ZNHIT3: variants seen among roughly 807,000 people sequenced by gnomAD.
ZNHIT3 encodes the protein zinc finger HIT-type containing 3.
A neutral mutation model predicts 19.9 loss-of-function variants in ZNHIT3; 27 were observed. That is an observed-to-expected ratio of 1.36 (90% confidence interval 1.00 to 1.87). The LOEUF (loss-of-function observed/expected upper bound fraction) is 1.87, where lower values mean the gene tolerates loss of function less well. Among genes scored for constraint, ZNHIT3 ranks in the 40% most tolerant of loss-of-function variants. The pLI, the probability that ZNHIT3 is intolerant of heterozygous loss-of-function variation, is 0.00. For missense variants in ZNHIT3, 215 were observed against 185.6 expected, an observed-to-expected ratio of 1.16 and a Z score of -0.92; for synonymous variants, 81 against 65.7, an observed-to-expected ratio of 1.23 and a Z score of -1.13.
intron 2 of ZNHIT3, among the ~76,000 whole-genome samples, chr17:36,487,578 G>T (rs965775643): frequency 1.6e-4 from 25 of 152,148 alleles, no homozygotes; most frequent in Non-Finnish European, 2.5e-4. Context: ...TGGATCACCT[G>T]AGCCCAGGAG....
At position 36,491,870 on chromosome 17, in the gene ZNHIT3, C is replaced by T. The variant is rs886309763; in HGVS notation, c.119-943C>T. 3.9e-5 allele frequency: 6 copies of T among 152,276 alleles called. No homozygotes were observed. In the Middle Eastern group the frequency reaches 0.01, roughly 257 times the overall value. The allele number at this position is 152,276 out of a possible 1,614,324, so 9.4% of individuals were successfully genotyped here. A position where few individuals can be genotyped will look rare whatever the true frequency, so the allele number is the denominator to read the frequency against. ...AAGTTAGACCCGGATTCCAAATCTG[C>T]CTCTGCTACTTACTAGCTGTGGACC... On this transcript the variant is annotated intron_variant, in intron 2 of 4. Transcript: ENST00000617429.
chr17:36,486,929 T>G lies in ZNHIT3; in HGVS notation c.87-6T>G, dbSNP rs1183679319. On this transcript the variant is annotated splice_polypyrimidine_tract_variant and splice_region_variant and intron_variant, in intron 1 of 4. Coordinates refer to ENST00000617429, the MANE Select transcript of ZNHIT3 (RefSeq NM_004773.4). ...CTGACGCGGCCTGTGGCCTCTGTTG[T>G]TACAGCTGCTCGGTAGTCTGCTTCC... 1 of 1,610,642 alleles carries G rather than the reference T, an allele frequency of 6.2e-7. No homozygotes were observed. The highest frequency in any genetic ancestry group is 8.5e-7 in the Non-Finnish European group (1 of 1,179,294).
downstream of ZNHIT3, chr17:36,499,015 G>A: frequency 7.4e-7 from 1 of 1,359,756 alleles, no homozygotes; most frequent in Non-Finnish European, 1.0e-6. Context: ...TTCCCACTCG[G>A]GTCCATCTGG....
intron 4 of ZNHIT3, 97 bp downstream of exon 4, chr17:36,494,103 G>T: frequency 1.2e-6 from 1 of 864,014 alleles, no homozygotes; most frequent in Non-Finnish European, 1.9e-6. Flanking sequence ...GAATAAGTAT[G>T]GCATGTAGGG....
rs758467742 is a variant in ZNHIT3 at position 36,495,297 on chromosome 17, G to A, written c.361G>A (p.Glu121Lys). The A allele has an allele frequency of 2.5e-6, 4 of 1,613,864 alleles. No homozygotes were observed. The South Asian group carries it at 4.4e-5, about 18-fold the overall frequency. ...RQLMVNLDQG[E>K]DKAKLMRAYM... is the part of the protein sequence containing the mutation. ...GTTGATGGTCAACCTCGATCAGGGA[G>A]AAGACAAAGCAAAGCTCATGAGAGC... The change falls in exon 5 of 5, where the codon GAA becomes AAA. Residue 121 changes from glutamate to lysine, a missense_variant. Transcript: ENST00000617429.
Position 36,486,921 on chromosome 17 carries a change from C to G in ZNHIT3, c.87-14C>G. The G allele has an allele frequency of 6.2e-7, 1 of 1,608,772 alleles. No homozygotes were observed. Among genetic ancestry groups the G allele is most frequent in the Non-Finnish European group, 8.5e-7 (1 of 1,178,684 alleles). ...CCTCGGGGCTGACGCGGCCTGTGGCCTCTGTTGTTACAGCTGCTCGGTAGT... is the reference window on the plus strand; with the variant it reads ...CCTCGGGGCTGACGCGGCCTGTGGCGTCTGTTGTTACAGCTGCTCGGTAGT... On this transcript the variant is annotated splice_polypyrimidine_tract_variant and intron_variant, in intron 1 of 4. Transcript: ENST00000617429.
chr17:36,486,932 C>T lies in ZNHIT3; in HGVS notation c.87-3C>T, dbSNP rs372878191. 4 of 1,610,890 alleles carry T rather than the reference C, an allele frequency of 2.5e-6. No homozygotes were observed. Among genetic ancestry groups the T allele is most frequent in the African/African-American group, 2.7e-5 (2 of 74,670 alleles). On this transcript the variant is annotated splice_polypyrimidine_tract_variant and splice_region_variant and intron_variant, in intron 1 of 4. Coordinates refer to ENST00000617429, the MANE Select transcript of ZNHIT3 (RefSeq NM_004773.4). ...ACGCGGCCTGTGGCCTCTGTTGTTA[C>T]AGCTGCTCGGTAGTCTGCTTCCGGA...
downstream of ZNHIT3, chr17:36,496,278 G>A (rs963765216): frequency 2.5e-6 from 4 of 1,614,028 alleles, no homozygotes; most frequent in Non-Finnish European, 3.4e-6. Context: ...AGGCAGAAGA[G>A]GTCACGTGGA....
At position 36,486,779 on chromosome 17, in the gene ZNHIT3, T is replaced by A; in HGVS notation, c.80T>A (p.Val27Glu). The A allele has an allele frequency of 6.4e-7, 1 of 1,562,604 alleles. No individual in the cohort carries two copies. Reference sequence around the variant, plus strand: ...AAATACCGCTGTCCAGCCTGCCGCGTGCCCTAGTGAGCGGGGAGGTCGCGG... The same window carrying A: ...AAATACCGCTGTCCAGCCTGCCGCGAGCCCTAGTGAGCGGGGAGGTCGCGG... The part of the protein sequence containing the change: ...KPKYRCPACR[V>E]PYCSVVCFRK... Residue 27 changes from valine to glutamate, a missense_variant, in exon 1 of 5, where the codon GTG becomes GAG. By Grantham distance (121) the Val-to-Glu change is moderately radical (BLOSUM62 -2). Coordinates refer to ENST00000617429, the MANE Select transcript of ZNHIT3 (RefSeq NM_004773.4).
downstream of ZNHIT3, chr17:36,498,466 G>T: frequency 6.2e-7 from 1 of 1,614,070 alleles, no homozygotes; most frequent in Admixed American, 1.7e-5. Flanking sequence ...AGCCTGGTCT[G>T]CAGCGGCGAG....
Position 36,486,959 on chromosome 17 carries a change from G to A in ZNHIT3, c.111G>A (p.Lys37=), listed in dbSNP as rs774613526. ...VPYCSVVCFR[K]HKEQCNPETR... Reference sequence around the variant, plus strand: ...GCTGCTCGGTAGTCTGCTTCCGGAAGCACAAAGGTGAGCCCCGTCCCCGCC... The same window carrying A: ...GCTGCTCGGTAGTCTGCTTCCGGAAACACAAAGGTGAGCCCCGTCCCCGCC... Residue 37 remains lysine (K), a synonymous_variant, in exon 2 of 5, where the codon AAG becomes AAA. Transcript: ENST00000617429. 2 of 1,611,330 alleles carry A rather than the reference G, an allele frequency of 1.2e-6. No individual in the cohort carries two copies. Among genetic ancestry groups the A allele is most frequent in the South Asian group, 1.1e-5 (1 of 90,846 alleles).
intron 2 of ZNHIT3, chr17:36,491,090 T>G (rs982763592): frequency 4.0e-5 from 6 of 151,638 alleles, no homozygotes; most frequent in African/African-American, 1.2e-4. Context: ...TCCCAAAGCG[T>G]TGGGATTACA....
chr17:36,494,556 A>T (rs913438176), intron 4 of ZNHIT3, among the ~76,000 whole-genome samples: 1 of 152,208 alleles, frequency 6.6e-6, no homozygotes, highest in African/African-American at 2.4e-5. Flanking sequence ...TTACATGTGC[A>T]TGGGGTCTGT....
chr17:36,489,792 G>A (rs1480362529), intron 2 of ZNHIT3: 2 of 151,872 alleles, frequency 1.3e-5, no homozygotes, highest in Non-Finnish European at 2.9e-5. Context: ...GCTGATTTTT[G>A]TATTTTTAGT....
downstream of ZNHIT3, chr17:36,498,579 T>C (rs1481810279): frequency 5.7e-6 from 9 of 1,591,752 alleles, no homozygotes; most frequent in African/African-American, 2.7e-5. Flanking sequence ...CAAATATCCC[T>C]TTATAGCTTT....
intron 3 of ZNHIT3, 53 bp downstream of exon 3, chr17:36,492,952 C>T (rs777065055): frequency 4.5e-6 from 7 of 1,553,430 alleles, no homozygotes; most frequent in Admixed American, 1.7e-5. Flanking sequence ...TAGAATAAGT[C>T]GAAGGAAAAG....
chr17:36,492,168 A>T (rs1275751847), intron 2 of ZNHIT3: 1 of 152,558 alleles, frequency 6.6e-6, no homozygotes, highest in Admixed American at 6.5e-5. Context: ...CTGTGACTTC[A>T]TGCTCTGTTG....
intron 4 of ZNHIT3, among the ~76,000 whole-genome samples, chr17:36,494,291 GTC>G (rs1301624713): frequency 6.6e-6 from 1 of 152,148 alleles, no homozygotes; most frequent in African/African-American, 2.4e-5. Context: ...GACCTTTTGT[GTC>G]TCTTTCAGAA....
intron 2 of ZNHIT3, chr17:36,492,152 C>T (rs1453187589): frequency 1.3e-5 from 2 of 152,488 alleles, no homozygotes; most frequent in Non-Finnish European, 2.9e-5. Flanking sequence ...TCCTCAGAAC[C>T]CTTTCCTGTG....
Sources: gnomAD v4.1 joint callset for allele counts (sites outside exome capture counted in the v4.1 genomes callset) on GRCh38, gnomAD v4.1.1 for gene constraint, MANE v1.5 for transcripts, NCBI Gene and HGNC (gene_info 2026-07-23, HGNC 2026-07-21) for gene names.